OVCH1: variants seen among roughly 807,000 people sequenced by gnomAD.
OVCH1 encodes the protein ovochymase-1.
OVCH1 carries 139 observed loss-of-function variants against 138.4 expected under a neutral mutation model. The observed-to-expected ratio is 1.00, with a 90% confidence interval of 0.87 to 1.16. The LOEUF is 1.16. Ranked by LOEUF, OVCH1 falls within the 50% of genes most tolerant of loss-of-function variation. OVCH1 has a pLI of 0.00. For missense variants in OVCH1, 1,367 were observed against 1,357.9 expected, an observed-to-expected ratio of 1.01 and a Z score of -0.11; for synonymous variants, 453 against 467.8, an observed-to-expected ratio of 0.97 and a Z score of 0.41.
intron 8 of OVCH1, among the ~76,000 whole-genome samples, chr12:29,481,853 T>C (rs1942945043): frequency 6.6e-6 from 1 of 152,336 alleles, no homozygotes; most frequent in South Asian, 2.1e-4. Flanking sequence ...GTTACTCATA[T>C]GGGGATCTCA....
intron 8 of OVCH1, among the ~76,000 whole-genome samples, chr12:29,483,653 G>C (rs896595405): frequency 3.0e-4 from 45 of 152,194 alleles, no homozygotes; most frequent in Non-Finnish European, 1.0e-4. Flanking sequence ...TCCAGTCACA[G>C]TGGGATACTC....
At chr12:29,408,599 C>T, downstream of OVCH1, among the ~76,000 whole-genome samples, 1 of 128,164 alleles carries the variant, frequency 7.8e-6, no homozygotes, top group Middle Eastern at 3.9e-3. Flanking sequence ...TGTTTATATG[C>T]TGGATTACAT....
intron 3 of OVCH1, among the ~76,000 whole-genome samples, chr12:29,413,669 T>TACAC (rs3064302): frequency 0.023 from 3,418 of 150,914 alleles, 91 homozygotes; most frequent in East Asian, 0.067. Flanking sequence ...ATTACACACA[T>TACAC]ACACACACAC....
At chr12:29,459,390 A>C (rs1942056102) in intron 19 of OVCH1, among the ~76,000 whole-genome samples, 1 of 152,198 alleles carries the variant, frequency 6.6e-6, no homozygotes, top group Admixed American at 6.5e-5. Context: ...GCACAGAAAG[A>C]CAAACTTCAC....
intron 14 of OVCH1, among the ~76,000 whole-genome samples, chr12:29,474,074 TACACACACAC>T (rs146655743): frequency 1.1e-3 from 156 of 145,286 alleles, no homozygotes; most frequent in Middle Eastern, 0.01. Context: ...CACACACACA[TACACACACAC>T]ACACACACAC....
rs376321397 is a variant in OVCH1 at position 29,445,320 on chromosome 12, G to A, written c.2839C>T (p.Arg947Ter). 3.7e-5 allele frequency: 59 copies of A among 1,611,656 alleles called. No homozygotes were observed. The highest frequency in any genetic ancestry group is 1.6e-4 in the African/African-American group (12 of 74,760). ...ATATAGCTTATACCAAATGCACCTC[G>A]TACAAGGGCATGGAATGTCACCCTC... Residue 947 changes from arginine to a stop codon, truncating the protein, a stop_gained, in exon 23 of 28, where the codon CGA becomes TGA. Transcript: ENST00000318184. LOFTEE classifies it high-confidence loss of function.
chr12:29,454,710 TA>T, intron 21 of OVCH1, 130 bp downstream of exon 21: 1 of 757,934 alleles, frequency 1.3e-6, no homozygotes, highest in Non-Finnish European at 2.1e-6. Flanking sequence ...CACTTTCAGC[TA>T]AAACTACCAA....
downstream of OVCH1, among the ~76,000 whole-genome samples, chr12:29,412,294 G>A (rs556241218): frequency 5.9e-5 from 9 of 151,758 alleles, no homozygotes; most frequent in Non-Finnish European, 2.9e-5. Context: ...TTCGGCTCAC[G>A]CACGGTGAGC....
the OVCH1 span, among the ~76,000 whole-genome samples, chr12:29,407,237 T>G: frequency 2.7e-4 from 37 of 134,560 alleles, 4 homozygotes; most frequent in East Asian, 8.5e-4. Context: ...TTGCGAAAAT[T>G]TTCTCCCATT....
intron 4 of OVCH1, among the ~76,000 whole-genome samples, chr12:29,493,051 A>AAGG (rs1302067633): frequency 1.3e-5 from 2 of 152,212 alleles, no homozygotes; most frequent in Non-Finnish European, 1.5e-5. Flanking sequence ...GTGGAGAGAA[A>AAGG]GTCTGATCCA....
downstream of OVCH1, among the ~76,000 whole-genome samples, chr12:29,411,686 G>A (rs1420179223): frequency 7.9e-5 from 12 of 152,034 alleles, no homozygotes; most frequent in Non-Finnish European, 1.2e-4. Context: ...AGGAGTACCC[G>A]GCCGTGTGAA....
chr12:29,422,279 A>G (rs1046912212), intron 3 of OVCH1, among the ~76,000 whole-genome samples: 17 of 152,302 alleles, frequency 1.1e-4, no homozygotes, highest in African/African-American at 4.1e-4. Context: ...TGGAAGGATA[A>G]AAGCAATGGA....
exon 19 of OVCH1, chr12:29,461,918 C>T (rs969816207): frequency 1.2e-6 from 2 of 1,613,916 alleles, no homozygotes; most frequent in South Asian, 1.1e-5. Flanking sequence ...TGTGATCCCT[C>T]CTGGATGGGC....
intron 26 of OVCH1, among the ~76,000 whole-genome samples, chr12:29,435,254 G>C (rs1016406145): frequency 1.7e-4 from 26 of 152,160 alleles, no homozygotes; most frequent in African/African-American, 5.3e-4. Flanking sequence ...TACTGGGGAG[G>C]CTGAGGAACA....
chr12:29,423,746 A>G (rs187077008), downstream of OVCH1, among the ~76,000 whole-genome samples: 1 of 152,334 alleles, frequency 6.6e-6, no homozygotes, highest in Admixed American at 6.5e-5. Context: ...AAAACAATGA[A>G]ACACTATTGA....
chr12:29,471,908 G>C (rs765296994), exon 16 of OVCH1: 2 of 1,613,470 alleles, frequency 1.2e-6, no homozygotes, highest in Middle Eastern at 1.7e-4. Flanking sequence ...GGCCAACAGT[G>C]GGGGCAGGCT....
intron 3 of OVCH1, among the ~76,000 whole-genome samples, chr12:29,414,006 T>C (rs1940998069): frequency 9.7e-6 from 1 of 103,272 alleles, no homozygotes; most frequent in Admixed American, 1.2e-4. Flanking sequence ...CTGGCTTTTC[T>C]CCTCTCTCTC....
At chr12:29,487,936 TTCA>T in intron 6 of OVCH1, 54 bp from the exon 7 acceptor site, 3 of 1,491,798 alleles carry the variant, frequency 2.0e-6, no homozygotes, top group Non-Finnish European at 2.7e-6. Context: ...TGTAAAATAT[TTCA>T]TCATTTCTGT....
At chr12:29,471,179 C>T (rs942432776) in intron 16 of OVCH1, among the ~76,000 whole-genome samples, 2 of 152,088 alleles carry the variant, frequency 1.3e-5, no homozygotes, top group Non-Finnish European at 2.9e-5. Flanking sequence ...TACAAATGCT[C>T]ATTTAACATT....
Sources: gnomAD v4.1 joint callset for allele counts (sites outside exome capture counted in the v4.1 genomes callset) on GRCh38, gnomAD v4.1.1 for gene constraint, MANE v1.5 for transcripts, NCBI Gene and HGNC (gene_info 2026-07-23, HGNC 2026-07-21) for gene names.